The following SHISA9 variants were observed in gnomAD, a reference collection of about 807,000 sequenced individuals.
The protein encoded by SHISA9 is shisa family member 9, also known as protein shisa-9.
Under a neutral mutation model 38.0 loss-of-function variants are expected in SHISA9, and 13 were observed. The ratio of observed to expected loss-of-function variants is 0.34; its 90% confidence interval spans 0.22 to 0.54. The LOEUF (loss-of-function observed/expected upper bound fraction) is 0.54, where lower values mean the gene tolerates loss of function less well. Ranked by LOEUF, SHISA9 falls within the 20% of genes least tolerant of loss-of-function variation. SHISA9 has a pLI of 0.91. For missense variants in SHISA9, 538 were observed against 575.8 expected (o/e 0.93, Z 0.67); for synonymous variants, 275 against 242.0 (o/e 1.14, Z -1.27).
chr16:13,433,927 T>C, the SHISA9 span, among the ~76,000 whole-genome samples: 216 of 152,306 alleles, frequency 1.4e-3, no homozygotes, highest in Non-Finnish European at 1.4e-3. Context: ...ATAGGATAGA[T>C]GTATGTATGA....
chr16:13,409,077 A>T, the SHISA9 span, among the ~76,000 whole-genome samples: 1 of 152,192 alleles, frequency 6.6e-6, no homozygotes, highest in African/African-American at 2.4e-5. Flanking sequence ...GGAGACAAGC[A>T]GACAAGTGGT....
chr16:13,140,123 T>TCCCTC (rs2050387452), intron 2 of SHISA9, among the ~76,000 whole-genome samples: 2 of 45,178 alleles, frequency 4.4e-5, no homozygotes, highest in Non-Finnish European at 8.6e-5. Context: ...TCCCTTCCCT[T>TCCCTC]CCCTTCCCTT....
chr16:13,044,738 G>A (rs1375836050), intron 2 of SHISA9, among the ~76,000 whole-genome samples: 1 of 152,084 alleles, frequency 6.6e-6, no homozygotes, highest in Non-Finnish European at 1.5e-5. Flanking sequence ...TTAAACGGAC[G>A]GCTGCAGTTT....
intron 2 of SHISA9, among the ~76,000 whole-genome samples, chr16:13,126,434 G>C (rs553403864): frequency 1.3e-5 from 2 of 152,120 alleles, no homozygotes; most frequent in South Asian, 4.2e-4. Flanking sequence ...AAGAGGGAGA[G>C]AGAGAGGGAG....
chr16:13,398,256 G>C, the SHISA9 span, among the ~76,000 whole-genome samples: 2 of 152,098 alleles, frequency 1.3e-5, no homozygotes, highest in Non-Finnish European at 2.9e-5. Context: ...CACAAACCCG[G>C]GGGTGGAGCC....
At chr16:13,082,525 C>G (rs2073662545) in intron 2 of SHISA9, 2 of 152,198 alleles carry the variant, frequency 1.3e-5, no homozygotes, top group Non-Finnish European at 2.9e-5. Flanking sequence ...GTACCTCCTT[C>G]TCATGTCCCG....
At chr16:13,549,982 C>T in the SHISA9 span, among the ~76,000 whole-genome samples, 2 of 149,216 alleles carry the variant, frequency 1.3e-5, no homozygotes, top group African/African-American at 5.0e-5. Flanking sequence ...GAGATTGTGC[C>T]ACTGCACTCC....
the SHISA9 span, among the ~76,000 whole-genome samples, chr16:13,526,557 T>C: frequency 6.6e-6 from 1 of 152,130 alleles, no homozygotes; most frequent in Non-Finnish European, 1.5e-5. Context: ...CTAATTTTTG[T>C]ATTTTTTTAG....
the SHISA9 span, among the ~76,000 whole-genome samples, chr16:13,528,189 A>T: frequency 6.6e-6 from 1 of 152,182 alleles, no homozygotes; most frequent in Non-Finnish European, 1.5e-5. Context: ...GCCCAGCAAG[A>T]TCATAGACCC....
chr16:13,138,352 G>A (rs1596674468), intron 2 of SHISA9, among the ~76,000 whole-genome samples: 1 of 152,258 alleles, frequency 6.6e-6, no homozygotes, highest in South Asian at 2.1e-4. Flanking sequence ...TAGAATAGGT[G>A]CTTACATTTT....
chr16:13,253,279 T>C, the SHISA9 span, among the ~76,000 whole-genome samples: 4 of 151,936 alleles, frequency 2.6e-5, no homozygotes, highest in Non-Finnish European at 4.4e-5. Context: ...GGGGTAGGAG[T>C]TGTTCAAGAG....
chr16:13,292,078 A>C, the SHISA9 span, among the ~76,000 whole-genome samples: 1 of 151,386 alleles, frequency 6.6e-6, no homozygotes, highest in African/African-American at 2.4e-5. Context: ...CTTCTGCTTG[A>C]AAATGTAATC....
chr16:13,475,441 A>G, the SHISA9 span, among the ~76,000 whole-genome samples: 3 of 152,014 alleles, frequency 2.0e-5, no homozygotes, highest in Non-Finnish European at 4.4e-5. Context: ...ACTTTCATTT[A>G]TTATGTATTT....
the SHISA9 span, among the ~76,000 whole-genome samples, chr16:13,446,655 G>C: frequency 6.6e-6 from 1 of 152,088 alleles, no homozygotes; most frequent in African/African-American, 2.4e-5. Flanking sequence ...ATGTGTGTGT[G>C]TGTTTCTGGT....
At chr16:13,376,856 T>A in the SHISA9 span, among the ~76,000 whole-genome samples, 1 of 152,018 alleles carries the variant, frequency 6.6e-6, no homozygotes, top group African/African-American at 2.4e-5. Context: ...CCCAGCTAAT[T>A]TTTGTATTTC....
At chr16:13,032,612 CTG>C (rs762258564) in intron 2 of SHISA9, among the ~76,000 whole-genome samples, 4 of 152,174 alleles carry the variant, frequency 2.6e-5, no homozygotes, top group African/African-American at 9.7e-5. Flanking sequence ...GCAGAACTGA[CTG>C]TGTAATGAAG....
the SHISA9 span, among the ~76,000 whole-genome samples, chr16:13,302,102 TC>T: frequency 5.1e-4 from 78 of 152,242 alleles, no homozygotes; most frequent in Non-Finnish European, 1.0e-3. Flanking sequence ...GGTCCTTTCT[TC>T]CTTCATCACA....
chr16:13,267,874 GGT>G, the SHISA9 span, among the ~76,000 whole-genome samples: 1 of 134,294 alleles, frequency 7.4e-6, no homozygotes, highest in Non-Finnish European at 1.6e-5. Context: ...TTGTTTCTCA[GGT>G]TTTTTTTTTT....
chr16:13,084,606 A>G (rs545004220), intron 2 of SHISA9, among the ~76,000 whole-genome samples: 1 of 152,324 alleles, frequency 6.6e-6, no homozygotes, highest in Non-Finnish European at 1.5e-5. Context: ...TGGGAAAGGC[A>G]ATAATTAACT....
Sources: allele counts gnomAD v4.1 joint callset (sites outside exome capture counted in the v4.1 genomes callset), GRCh38; gene constraint gnomAD v4.1.1; transcripts MANE v1.5; gene names NCBI Gene and HGNC (gene_info 2026-07-23, HGNC 2026-07-21).